Variants in GRSF1 observed in about 807,000 individuals in gnomAD.
GRSF1 encodes the protein G-rich sequence factor 1.
Under a neutral mutation model 51.1 loss-of-function variants are expected in GRSF1, and 50 were observed. The observed-to-expected ratio is 0.98, with a 90% confidence interval of 0.78 to 1.24. The LOEUF is 1.24. Among genes scored for constraint, GRSF1 ranks in the 50% most tolerant of loss-of-function variants. The probability of loss-of-function intolerance (pLI) is 0.00; values close to 1 mark genes in which losing one functional copy is unlikely to be tolerated. For synonymous variants in GRSF1, 293 were observed against 253.3 expected, an observed-to-expected ratio of 1.16 and a Z score of -1.49; for missense variants, 700 against 639.7, an observed-to-expected ratio of 1.09 and a Z score of -1.02.
intron 6 of GRSF1, among the ~76,000 whole-genome samples, chr4:70,827,184 A>C (rs913295726): frequency 2.0e-5 from 3 of 151,522 alleles, no homozygotes; most frequent in Non-Finnish European, 4.4e-5. Flanking sequence ...GCTACTCGGG[A>C]GGCTGAGGCA....
At position 70,834,160 on chromosome 4, in the gene GRSF1, G is replaced by A. The variant is rs568015015; in HGVS notation, c.515-887C>T. ...TGCTGTCCCACCAACTCAGGAGGCT[G>A]AGGCAGGAGAATCCCTTGAACCCGG... is the stretch of plus-strand genomic sequence containing the variant. On this transcript the variant is annotated intron_variant, in intron 2 of 9. Transcript: ENST00000254799. Among the ~76,000 whole-genome samples the A allele has an allele frequency of 3.9e-5, 6 of 152,296 alleles. No homozygotes were observed. The East Asian group carries it at 1.2e-3, about 29-fold the overall frequency.
upstream of GRSF1, chr4:70,839,942 C>T (rs1734404099): frequency 1.1e-5 from 10 of 877,974 alleles, no homozygotes; most frequent in Admixed American, 3.5e-4. Flanking sequence ...GCGCCGCGGG[C>T]ACTGGGTGGG....
At chr4:70,836,121 A>C in intron 2 of GRSF1, 37 bp downstream of exon 2, 8 of 1,229,102 alleles carry the variant, frequency 6.5e-6, no homozygotes, top group Non-Finnish European at 8.7e-6. Flanking sequence ...CAATATAAGG[A>C]AAAAAAATAA....
intron 9 of GRSF1, among the ~76,000 whole-genome samples, chr4:70,823,974 C>CT (rs577909875): frequency 0.016 from 1,594 of 100,852 alleles, 151 homozygotes; most frequent in African/African-American, 0.055. Context: ...TTGTATCTCT[C>CT]TCTTTTTTTT....
chr4:70,824,163 G>C, intron 9 of GRSF1, 131 bp downstream of exon 9: 1 of 450,638 alleles, frequency 2.2e-6, no homozygotes, highest in Non-Finnish European at 4.2e-6. Context: ...TAGAGACAGG[G>C]TTTCACCATG....
In GRSF1 at chr4:70,833,128, C is replaced by A. The variant is rs1366013337; in HGVS notation, c.660G>T (p.Arg220=). Residue 220 remains arginine, a synonymous_variant, in exon 3 of 10, where the codon CGG becomes CGT. Coordinates refer to ENST00000254799, the MANE Select transcript of GRSF1 (RefSeq NM_002092.4). ...TCTGACTTCACATACCTTCCACATA[C>A]CGCTGGCCCATGTACATGCGGTGCT... is the stretch of plus-strand genomic sequence containing the variant. ...LEKHRMYMGQ[R]YVEVYEINNE... 7.4e-6 allele frequency: 12 copies of A among 1,613,786 alleles called. No homozygotes were observed. Among genetic ancestry groups the A allele is most frequent in the Non-Finnish European group, 1.0e-5 (12 of 1,179,826 alleles).
At chr4:70,822,870 C>G (rs1166989806) in intron 9 of GRSF1, among the ~76,000 whole-genome samples, 1 of 152,078 alleles carries the variant, frequency 6.6e-6, no homozygotes. Flanking sequence ...GCAGGTAAAT[C>G]ACTTGAGGCC....
At position 70,819,817 on chromosome 4, in the gene GRSF1, C is replaced by A. The variant is rs112163147; in HGVS notation, c.*1070G>T. ...ATTAATGACTATATTTTGAAGCCAG[C>A]CATTTTGTCCAATATTTAAATAACA... On this transcript the variant is annotated 3_prime_UTR_variant, in exon 10 of 10. Transcript: ENST00000254799. 1.3e-5 allele frequency: 2 copies of A among 152,572 alleles called. No individual in the cohort carries two copies. Among genetic ancestry groups the A allele is most frequent in the African/African-American group, 4.8e-5 (2 of 41,412 alleles). The allele number at this position is 152,572 out of a possible 1,614,324, so 9.5% of individuals were successfully genotyped here.
At chr4:70,827,516 G>A (rs1295613464) in intron 6 of GRSF1, among the ~76,000 whole-genome samples, 4 of 152,126 alleles carry the variant, frequency 2.6e-5, no homozygotes, top group African/African-American at 9.7e-5. Flanking sequence ...CGGGTGTGTT[G>A]GCTCACACCT....
Position 70,831,676 on chromosome 4 carries a change from T to C in GRSF1, c.815-2A>G. The C allele has an allele frequency of 1.2e-6, 2 of 1,606,166 alleles. No homozygotes were observed. The highest frequency in any genetic ancestry group is 1.7e-6 in the Non-Finnish European group (2 of 1,177,152). ...AAGTAATGTCAACTATATTCAGTCC[T>C]AGGACACCAAGAGATTTTAATGCTA... On this transcript the variant is annotated splice_acceptor_variant, in intron 4 of 9. Transcript: ENST00000254799. LOFTEE classifies it high-confidence loss of function.
At chr4:70,831,800 C>T in intron 4 of GRSF1, 126 bp from the exon 5 acceptor site, 2 of 684,930 alleles carry the variant, frequency 2.9e-6, no homozygotes, top group Non-Finnish European at 4.6e-6. Context: ...ACATGCTTGA[C>T]AGGAAGAAAA....
chr4:70,821,312 C>T (rs1258464328), intron 9 of GRSF1, among the ~76,000 whole-genome samples: 1 of 152,172 alleles, frequency 6.6e-6, no homozygotes, highest in African/African-American at 2.4e-5. Context: ...GTAATCCCAG[C>T]TACTGGGGAG....
chr4:70,839,747 G>A lies in GRSF1; in HGVS notation c.81C>T (p.Ala27=). The change falls in exon 1 of 10, where the codon GCC becomes GCT. Residue 27 remains alanine, a synonymous_variant. Coordinates refer to ENST00000254799, the MANE Select transcript of GRSF1 (RefSeq NM_002092.4). ...CGGCGGAGTAGAAGGGCAGGCAGGC[G>A]GCGCCGGTGCGCCGGCAGCTGCTGC... The part of the protein sequence containing the change: ...CNCSSCRRTG[A]ACLPFYSAAG... 6.7e-7 allele frequency: 1 copy of A among 1,503,010 alleles called. No individual in the cohort carries two copies. The highest frequency in any genetic ancestry group is 8.8e-7 in the Non-Finnish European group (1 of 1,133,460). The allele number at this position is 1,503,010 out of a possible 1,614,324, so 93.1% of individuals were successfully genotyped here.
At chr4:70,842,223 A>AGTTGAGGCCTCAGGG (rs1734473992), upstream of GRSF1, among the ~76,000 whole-genome samples, 1 of 152,208 alleles carries the variant, frequency 6.6e-6, no homozygotes, top group Non-Finnish European at 1.5e-5. Flanking sequence ...GAAAGGGGCC[A>AGTTGAGGCCTCAGGG]GTTGAGGCCT....
At chr4:70,831,379 G>GA (rs910159899) in intron 5 of GRSF1, among the ~76,000 whole-genome samples, 160 bp downstream of exon 5, 6 of 150,794 alleles carry the variant, frequency 4.0e-5, no homozygotes, top group Admixed American at 2.6e-4. Flanking sequence ...AGGAGCAGTC[G>GA]AAAAAAAATT....
At position 70,819,205 on chromosome 4, in the gene GRSF1, T is replaced by C. The variant is rs914255472; in HGVS notation, c.*1682A>G. On this transcript the variant is annotated 3_prime_UTR_variant, in exon 10 of 10. Coordinates refer to ENST00000254799, the MANE Select transcript of GRSF1 (RefSeq NM_002092.4). ...CTCATTAGCTTAAATCAATTGCAGA[T>C]GAATTCCTCACAGTAGGCCCCACAG... is the stretch of plus-strand genomic sequence containing the variant. 3.9e-5 allele frequency: 6 copies of C among 152,180 alleles called. No homozygotes were observed. Among genetic ancestry groups the C allele is most frequent in the African/African-American group, 9.7e-5 (4 of 41,442 alleles). 9.4% of individuals were successfully genotyped at this position (152,180 alleles called of 1,614,324 possible). A position where few individuals can be genotyped will look rare whatever the true frequency, so the allele number is the denominator to read the frequency against.
intron 2 of GRSF1, 64 bp downstream of exon 2, chr4:70,836,094 T>C (rs1734194451): frequency 4.2e-6 from 4 of 959,940 alleles, no homozygotes; most frequent in African/African-American, 3.4e-5. Flanking sequence ...AAAACATACA[T>C]ACCTGCTTGT....
At position 70,824,346 on chromosome 4, in the gene GRSF1, G is replaced by A; in HGVS notation, c.1416C>T (p.Phe472=). The A allele has an allele frequency of 6.7e-7, 1 of 1,494,348 alleles. No individual in the cohort carries two copies. The highest frequency in any genetic ancestry group is 9.2e-7 in the Non-Finnish European group (1 of 1,081,758). 92.6% of individuals were successfully genotyped at this position (1,494,348 alleles called of 1,614,324 possible). The change falls in exon 9 of 10, where the codon TTC becomes TTT. Residue 472 remains phenylalanine, a synonymous_variant. Coordinates refer to ENST00000254799, the MANE Select transcript of GRSF1 (RefSeq NM_002092.4). ...SHVHHRYIEL[F]LNSCPKGK The stretch of plus-strand genomic sequence containing the variant: ...ATTTTCCTTTTGGACATGAATTCAG[G>A]AACAGTTCAATATACCTATGATCTG...
chr4:70,837,029 G>C (rs1322358191), intron 1 of GRSF1, among the ~76,000 whole-genome samples: 2 of 152,182 alleles, frequency 1.3e-5, no homozygotes, highest in Non-Finnish European at 2.9e-5. Context: ...GCAAAGATAA[G>C]TTAATACAAG....
Sources: gnomAD v4.1 joint callset for allele counts (sites outside exome capture counted in the v4.1 genomes callset) on GRCh38, gnomAD v4.1.1 for gene constraint, MANE v1.5 for transcripts, NCBI Gene and HGNC (gene_info 2026-07-23, HGNC 2026-07-21) for gene names.